SYCP2L: variants seen among roughly 807,000 people sequenced by gnomAD.
SYCP2L encodes the protein synaptonemal complex protein 2 like.
SYCP2L carries 98 observed loss-of-function variants against 125.8 expected under a neutral mutation model. The observed-to-expected ratio is 0.78, with a 90% CI of 0.66 to 0.92. The LOEUF (loss-of-function observed/expected upper bound fraction) is 0.92. Among genes scored for constraint, SYCP2L ranks in the 40% least tolerant of loss-of-function variants. The pLI, the probability that SYCP2L is intolerant of heterozygous loss-of-function variation, is 0.00. For missense variants in SYCP2L, 842 were observed against 936.4 expected (o/e 0.90, Z 1.32); for synonymous variants, 317 against 325.4 (o/e 0.97, Z 0.28).
chr6:10,906,752 C>T (rs1005820524), intron 9 of SYCP2L, among the ~76,000 whole-genome samples: 3 of 151,788 alleles, frequency 2.0e-5, no homozygotes, highest in South Asian at 2.1e-4. Context: ...CACGCACCGC[C>T]ACACCTGGCT....
In SYCP2L at chr6:10,954,727, G is replaced by A. The variant is rs923690689; in HGVS notation, c.1955-389G>A. Among the ~76,000 whole-genome samples, 11 of 152,298 alleles carry A rather than the reference G, an allele frequency of 7.2e-5. No homozygotes were observed. The highest frequency in any genetic ancestry group is 3.3e-4 in the Admixed American group (5 of 15,294). On this transcript the variant is annotated intron_variant, in intron 23 of 29. Transcript: ENST00000283141. The surrounding 1 kb of genome is among the most constrained non-coding windows in gnomAD (Gnocchi z 4.8). ...GTGTCACCAGCAGATGGCGCGCTCC[G>A]GGGTGTGAGCTGAAGCACTTCCAAA...
chr6:10,891,814 A>G (rs1780180416), intron 2 of SYCP2L, among the ~76,000 whole-genome samples: 1 of 152,120 alleles, frequency 6.6e-6, no homozygotes, highest in African/African-American at 2.4e-5. Context: ...ATATCTAGTC[A>G]ATTTACCATT....
chr6:10,972,948 G>A (rs1372859984), intron 29 of SYCP2L, among the ~76,000 whole-genome samples: 4 of 152,160 alleles, frequency 2.6e-5, no homozygotes, highest in Admixed American at 1.3e-4. Flanking sequence ...AAGGGAATCC[G>A]GAGAGGTGAA....
At chr6:10,927,875 C>T (rs1044294591) in intron 17 of SYCP2L, among the ~76,000 whole-genome samples, 3 of 152,072 alleles carry the variant, frequency 2.0e-5, no homozygotes, top group African/African-American at 4.8e-5. Flanking sequence ...TTTAGAGGCC[C>T]ACCCTCAGGG....
Position 10,961,498 on chromosome 6 carries a change from A to G in SYCP2L, c.2356-2A>G, listed in dbSNP as rs1285440152. The G allele has an allele frequency of 6.2e-7, 1 of 1,614,140 alleles. No individual in the cohort carries two copies. The highest frequency in any genetic ancestry group is 8.5e-7 in the Non-Finnish European group (1 of 1,179,988). The stretch of plus-strand genomic sequence containing the variant: ...TTAAACAAAACTTTTGTTCAATCTT[A>G]GGAATTCTGGGGGAAACAGTCTGCT... On this transcript the variant is annotated splice_acceptor_variant, in intron 27 of 29. Transcript: ENST00000283141. LOFTEE classifies it high-confidence loss of function.
At chr6:10,907,928 G>A (rs1264534976) in intron 10 of SYCP2L, among the ~76,000 whole-genome samples, 6 of 58,942 alleles carry the variant, frequency 1.0e-4, no homozygotes, top group African/African-American at 4.2e-4. Context: ...TCTCACTCTT[G>A]CCCAGGCTGG....
chr6:10,937,556 C>G (rs898061556), intron 21 of SYCP2L, among the ~76,000 whole-genome samples: 2 of 151,792 alleles, frequency 1.3e-5, no homozygotes, highest in Non-Finnish European at 2.9e-5. Flanking sequence ...GTCAGCTTAA[C>G]GAAGAAAATA....
chr6:10,931,460 A>G lies in SYCP2L; in HGVS notation c.1654A>G (p.Ser552Gly). The G allele has an allele frequency of 1.2e-6, 2 of 1,614,116 alleles. No homozygotes were observed. Among genetic ancestry groups the G allele is most frequent in the Non-Finnish European group, 1.7e-6 (2 of 1,179,976 alleles). Residue 552 changes from serine (S) to glycine (G), a missense_variant, in exon 20 of 30, where the codon AGT (serine) becomes GGT (glycine). Transcript: ENST00000283141. ...NLRILPVFPP[S>G]SGSGHEKDQA... ...TTTAGTCTTGCCAGTTTTCCCTCCC[A>G]GTAGTGGCAGTGGCCATGAGAAAGA...
chr6:10,961,212 C>T, intron 26 of SYCP2L, 93 bp from the exon 27 acceptor site: 1 of 983,912 alleles, frequency 1.0e-6, no homozygotes, highest in Non-Finnish European at 1.6e-6. Flanking sequence ...GGAGAAGAGT[C>T]TGAAGTATCC....
chr6:10,906,683 C>A (rs554666104), intron 9 of SYCP2L, among the ~76,000 whole-genome samples: 1 of 151,676 alleles, frequency 6.6e-6, no homozygotes, highest in African/African-American at 2.4e-5. Context: ...CTGCAGCCTC[C>A]GCCTCCCGTT....
Position 10,924,519 on chromosome 6 carries a change from A to G in SYCP2L, c.1096A>G (p.Ile366Val). 6 of 1,588,874 alleles carry G rather than the reference A, an allele frequency of 3.8e-6. No homozygotes were observed. Among genetic ancestry groups the G allele is most frequent in the Non-Finnish European group, 4.3e-6 (5 of 1,172,918 alleles). ...ITETEKIKIF[I>V]IYLKKPMIIS... ...AGAAACGGAGAAGATAAAGATATTT[A>G]TCATTTACCTGAAGAAGCCCATGAT... The change falls in exon 15 of 30, where the codon ATC becomes GTC. Residue 366 changes from isoleucine (I) to valine (V), a missense_variant. By Grantham distance (29) the Ile-to-Val change is conservative. Transcript: ENST00000283141.
intron 14 of SYCP2L, among the ~76,000 whole-genome samples, chr6:10,918,659 C>T (rs2113334080): frequency 6.6e-6 from 1 of 152,166 alleles, no homozygotes; most frequent in Non-Finnish European, 1.5e-5. Flanking sequence ...GCCTCAGCCT[C>T]CCGAGTAGCT....
At chr6:10,956,263 A>C (rs770272687) in intron 25 of SYCP2L, 21 bp downstream of exon 25, 5 of 1,548,044 alleles carry the variant, frequency 3.2e-6, no homozygotes, top group Middle Eastern at 1.7e-4. Context: ...ACAAAACTTA[A>C]AAAACTAGAG....
At chr6:10,893,786 T>G (rs1780212260) in intron 2 of SYCP2L, 81 bp from the exon 3 acceptor site, 1 of 1,440,926 alleles carries the variant, frequency 6.9e-7, no homozygotes, top group African/African-American at 1.4e-5. Context: ...GAATTCTTAT[T>G]GATAATGAGA....
intron 29 of SYCP2L, 88 bp downstream of exon 29, chr6:10,963,931 C>A: frequency 3.0e-5 from 27 of 894,790 alleles, no homozygotes; most frequent in African/African-American, 5.2e-5. Context: ...ATGCTTTGTT[C>A]ATATGACATT....
chr6:10,891,865 C>T (rs1435529004), intron 2 of SYCP2L, among the ~76,000 whole-genome samples: 1 of 152,142 alleles, frequency 6.6e-6, no homozygotes, highest in Non-Finnish European at 1.5e-5. Context: ...ATCTTGTGCC[C>T]TGTGCAGATA....
At chr6:10,902,591 C>A in intron 6 of SYCP2L, 86 bp from the exon 7 acceptor site, 2 of 1,111,400 alleles carry the variant, frequency 1.8e-6, no homozygotes, top group South Asian at 1.4e-5. Flanking sequence ...AGAACGACAT[C>A]CTTAGTGAAA....
chr6:10,891,547 A>G lies in SYCP2L; in HGVS notation c.44A>G (p.Asp15Gly). ...NKDALQPIKE[D>G]RTGKAQDDAF... is the part of the protein sequence containing the mutation. ...GATGCTTTGCAGCCTATTAAGGAAGACAGGACTGGGAAGGCCCAGGATGAT... is the reference window on the plus strand; with the variant it reads ...GATGCTTTGCAGCCTATTAAGGAAGGCAGGACTGGGAAGGCCCAGGATGAT... The change falls in exon 2 of 30, where the codon GAC (aspartate) becomes GGC (glycine). Residue 15 changes from aspartate to glycine, a missense_variant. Asp to Gly is a moderately conservative substitution (Grantham distance 94). Coordinates refer to ENST00000283141, the MANE Select transcript of SYCP2L (RefSeq NM_001040274.3). 1.9e-6 allele frequency: 3 copies of G among 1,607,036 alleles called. No individual in the cohort carries two copies. Among genetic ancestry groups the G allele is most frequent in the Non-Finnish European group, 2.6e-6 (3 of 1,175,932 alleles).
At chr6:10,956,394 CA>C (rs1307847840) in intron 25 of SYCP2L, 152 bp downstream of exon 25, 1 of 614,408 alleles carries the variant, frequency 1.6e-6, no homozygotes, top group Non-Finnish European at 2.8e-6. Flanking sequence ...GGGTGGTTAC[CA>C]GGGGTCAGGG....
Sources: allele counts gnomAD v4.1 joint callset (sites outside exome capture counted in the v4.1 genomes callset), GRCh38; gene constraint gnomAD v4.1.1; non-coding constraint Gnocchi (gnomAD v3.1); transcripts MANE v1.5; gene names NCBI Gene and HGNC (gene_info 2026-07-23, HGNC 2026-07-21).